SLC24A3: variants seen among roughly 807,000 people sequenced by gnomAD.
SLC24A3 encodes solute carrier family 24 member 3, also known as sodium/potassium/calcium exchanger 3.
SLC24A3 carries 28 observed loss-of-function variants against 75.8 expected under a neutral mutation model. That is an observed-to-expected ratio of 0.37 (90% CI 0.27 to 0.51). The LOEUF (loss-of-function observed/expected upper bound fraction) is 0.51, where lower values mean the gene tolerates loss of function less well. Among genes scored for constraint, SLC24A3 ranks in the 20% least tolerant of loss-of-function variants. The pLI is 0.94. For missense variants in SLC24A3, 663 were observed against 847.8 expected, an observed-to-expected ratio of 0.78 and a Z score of 2.71; for synonymous variants, 372 against 334.1, an observed-to-expected ratio of 1.11 and a Z score of -1.24.
intron 3 of SLC24A3, among the ~76,000 whole-genome samples, chr20:19,527,057 C>A (rs1600266744): frequency 6.6e-6 from 1 of 152,248 alleles, no homozygotes; most frequent in South Asian, 2.1e-4. Context: ...ACCAAGAAAT[C>A]CCAGTTCCTG....
chr20:19,639,729 G>T (rs1247126862), intron 6 of SLC24A3, among the ~76,000 whole-genome samples: 1 of 152,254 alleles, frequency 6.6e-6, no homozygotes, highest in Non-Finnish European at 1.5e-5. Context: ...CCATGGAGTG[G>T]GTGGGAGGCT....
intron 2 of SLC24A3, among the ~76,000 whole-genome samples, chr20:19,338,643 TG>T (rs1405044619): frequency 1.3e-5 from 2 of 152,234 alleles, no homozygotes; most frequent in Non-Finnish European, 2.9e-5. Flanking sequence ...AGCTTGGCTC[TG>T]GAGTCAAATG....
chr20:19,472,444 T>C (rs1199268220), intron 2 of SLC24A3, among the ~76,000 whole-genome samples: 3 of 152,238 alleles, frequency 2.0e-5, no homozygotes, highest in African/African-American at 4.8e-5. Context: ...AGCAAGCCTC[T>C]GCCACAGATT....
intron 2 of SLC24A3, among the ~76,000 whole-genome samples, chr20:19,456,500 G>C (rs1987580458): frequency 6.6e-6 from 1 of 152,152 alleles, no homozygotes; most frequent in Non-Finnish European, 1.5e-5. Context: ...CCTTCCACCA[G>C]GATTGTGAAG....
intron 2 of SLC24A3, among the ~76,000 whole-genome samples, chr20:19,396,345 G>A (rs1202330417): frequency 6.6e-6 from 1 of 152,012 alleles, no homozygotes; most frequent in African/African-American, 2.4e-5. Context: ...AAATGAACAG[G>A]TAAACTTGAC....
chr20:19,367,585 T>C (rs1011377968), intron 2 of SLC24A3, among the ~76,000 whole-genome samples: 3 of 152,080 alleles, frequency 2.0e-5, no homozygotes, highest in Non-Finnish European at 4.4e-5. Context: ...GTCACAGTTG[T>C]CTAATTAGAT....
intron 2 of SLC24A3, among the ~76,000 whole-genome samples, chr20:19,353,554 A>G (rs1469073271): frequency 1.3e-5 from 2 of 152,212 alleles, no homozygotes; most frequent in African/African-American, 4.8e-5. Flanking sequence ...AAACTGTGCT[A>G]GAGATGCAAG....
intron 1 of SLC24A3, among the ~76,000 whole-genome samples, chr20:19,278,532 G>A (rs767761592): frequency 1.1e-4 from 17 of 152,260 alleles, no homozygotes; most frequent in South Asian, 2.1e-4. Flanking sequence ...TAACCTTAAC[G>A]TTTCTTCATG....
At chr20:19,605,408 T>C (rs2031584430) in intron 6 of SLC24A3, among the ~76,000 whole-genome samples, 1 of 152,020 alleles carries the variant, frequency 6.6e-6, no homozygotes, top group Non-Finnish European at 1.5e-5. Flanking sequence ...ACGAAAGAGG[T>C]TTTTCTTTTC....
At chr20:19,667,092 CT>C (rs1313554471) in intron 8 of SLC24A3, among the ~76,000 whole-genome samples, 1 of 152,140 alleles carries the variant, frequency 6.6e-6, no homozygotes, top group African/African-American at 2.4e-5. Flanking sequence ...ACTGCTAACT[CT>C]TTGTTGGTGT....
At chr20:19,407,387 G>C (rs1986666763) in intron 2 of SLC24A3, among the ~76,000 whole-genome samples, 2 of 152,220 alleles carry the variant, frequency 1.3e-5, no homozygotes, top group African/African-American at 2.4e-5. Context: ...TGTGAGTTGA[G>C]AACGGGGCAG....
At chr20:19,642,303 A>G (rs2032085699) in intron 6 of SLC24A3, among the ~76,000 whole-genome samples, 1 of 152,246 alleles carries the variant, frequency 6.6e-6, no homozygotes. Context: ...ATATGCACAC[A>G]GTAATCTTTT....
intron 2 of SLC24A3, among the ~76,000 whole-genome samples, chr20:19,373,061 A>AT (rs11415733): frequency 0.34 from 50,604 of 149,960 alleles, 8,946 homozygotes; most frequent in Middle Eastern, 0.51. Context: ...TAGTTTTGCG[A>AT]TTTTTTTTTT....
At chr20:19,639,819 C>T (rs550331591) in intron 6 of SLC24A3, among the ~76,000 whole-genome samples, 4 of 152,334 alleles carry the variant, frequency 2.6e-5, no homozygotes, top group East Asian at 1.9e-4. Context: ...ACAGCAGCGC[C>T]GGTGGGCTGG....
intron 2 of SLC24A3, among the ~76,000 whole-genome samples, chr20:19,339,171 G>T (rs1026037553): frequency 2.7e-4 from 41 of 152,106 alleles, no homozygotes; most frequent in Non-Finnish European, 4.7e-4. Context: ...TACCCTCCCT[G>T]TTGTAATTCC....
intron 1 of SLC24A3, among the ~76,000 whole-genome samples, chr20:19,220,825 A>G (rs1324764088): frequency 6.6e-6 from 1 of 152,144 alleles, no homozygotes; most frequent in Non-Finnish European, 1.5e-5. Context: ...GGGCATTGGG[A>G]TTTTATAAAA....
chr20:19,236,647 T>C (rs1982175871), intron 1 of SLC24A3, among the ~76,000 whole-genome samples: 1 of 152,108 alleles, frequency 6.6e-6, no homozygotes, highest in Non-Finnish European at 1.5e-5. Flanking sequence ...TCCCAGCCAC[T>C]GGGGAGGCTG....
At chr20:19,508,865 C>T (rs1233506075) in intron 2 of SLC24A3, among the ~76,000 whole-genome samples, 3 of 152,228 alleles carry the variant, frequency 2.0e-5, no homozygotes, top group African/African-American at 7.2e-5. Flanking sequence ...GCCATGTGGC[C>T]CCAACAGGCT....
chr20:19,226,362 C>T (rs79908962), intron 1 of SLC24A3, among the ~76,000 whole-genome samples: 1,536 of 152,114 alleles, frequency 0.01, 43 homozygotes, highest in African/African-American at 0.035. Flanking sequence ...ACACAAGATA[C>T]GGACCTGTAA....
Sources: gnomAD v4.1 joint callset for allele counts (sites outside exome capture counted in the v4.1 genomes callset) on GRCh38, gnomAD v4.1.1 for gene constraint, MANE v1.5 for transcripts, NCBI Gene and HGNC (gene_info 2026-07-23, HGNC 2026-07-21) for gene names.